Variants in LAMB1 observed in about 807,000 individuals in gnomAD.
LAMB1 encodes laminin subunit beta-1.
LAMB1 carries 121 observed loss-of-function variants against 222.3 expected under a neutral mutation model. The observed-to-expected ratio is 0.54, with a 90% CI of 0.47 to 0.63. The LOEUF is 0.63. Among genes scored for constraint, LAMB1 ranks in the 30% least tolerant of loss-of-function variants. The pLI, the probability that LAMB1 is intolerant of heterozygous loss-of-function variation, is 0.00. For missense variants in LAMB1, 2,172 were observed against 2,240.8 expected, an observed-to-expected ratio of 0.97 and a Z score of 0.62; for synonymous variants, 794 against 807.2, an observed-to-expected ratio of 0.98 and a Z score of 0.28.
rs369155278 is a variant in LAMB1, at chr7:108,003,098, T to C, written c.-87+13A>G. 27 of 1,089,640 alleles carry C rather than the reference T, an allele frequency of 2.5e-5. No individual in the cohort carries two copies. The South Asian group carries it at 3.4e-4, about 14-fold the overall frequency. The allele number at this position is 1,089,640 out of a possible 1,614,324, so 67.5% of individuals were successfully genotyped here. A position where few individuals can be genotyped will look rare whatever the true frequency, so the allele number is the denominator to read the frequency against. The stretch of plus-strand genomic sequence containing the variant: ...AAGTGGGGAAAATCGTGCAGCCACT[T>C]TGTTCTCCTCACCCGGCGACGCGAG... On this transcript the variant is annotated intron_variant, in intron 1 of 33. Coordinates refer to ENST00000222399, the MANE Select transcript of LAMB1 (RefSeq NM_002291.3).
At chr7:107,965,540 T>C (rs956894941) in intron 13 of LAMB1, among the ~76,000 whole-genome samples, 5 of 152,154 alleles carry the variant, frequency 3.3e-5, no homozygotes, top group African/African-American at 7.2e-5. Context: ...GATCACGCCA[T>C]TGCACTCCAG....
At position 107,959,425 on chromosome 7, in the gene LAMB1, G is replaced by A; in HGVS notation, c.2514C>T (p.Gly838=). The change falls in exon 20 of 34, where the codon GGC becomes GGT. Residue 838 remains glycine, a synonymous_variant. Transcript: ENST00000222399. ...ACACTCCCTGGAAACAGTGGCACTG[G>A]CCAGTGACGGGATTGCAGAAGGCAT... ...SVNAFCNPVT[G]QCHCFQGVYA... 6.2e-6 allele frequency: 10 copies of A among 1,614,250 alleles called. No individual in the cohort carries two copies. The highest frequency in any genetic ancestry group is 7.6e-6 in the Non-Finnish European group (9 of 1,180,044).
At chr7:107,939,210 T>C (rs1388966969) in intron 25 of LAMB1, among the ~76,000 whole-genome samples, 1 of 152,096 alleles carries the variant, frequency 6.6e-6, no homozygotes, top group African/African-American at 2.4e-5. Flanking sequence ...GGGTTCCTTT[T>C]TGGCAAAAGG....
chr7:107,993,380 C>T lies in LAMB1; in HGVS notation c.423+1507G>A, dbSNP rs562619369. 3.3e-4 allele frequency among the ~76,000 whole-genome samples: 50 copies of T among 152,000 alleles called. No homozygotes were observed. The South Asian group carries it at 8.3e-3, about 25-fold the overall frequency. ...AACTCCTGACCTCAAGTGATCTGCC[C>T]GCCTTGGCCTCCCAAAGTGCTGGGA... On this transcript the variant is annotated intron_variant, in intron 5 of 33. Coordinates refer to ENST00000222399, the MANE Select transcript of LAMB1 (RefSeq NM_002291.3).
At chr7:107,950,923 G>GGGGT (rs372104608) in intron 24 of LAMB1, among the ~76,000 whole-genome samples, 1 of 147,750 alleles carries the variant, frequency 6.8e-6, no homozygotes, top group Non-Finnish European at 1.5e-5. Flanking sequence ...GTGTATTTGT[G>GGGGT]GTGTGTGTGT....
rs200315734 is a variant in LAMB1, at chr7:107,978,469, AAAACT to A, written c.880-307_880-303del. Among the ~76,000 whole-genome samples the A allele has an allele frequency of 0.029, 4,451 of 151,860 alleles. 94 individuals carry two copies. Among genetic ancestry groups the A allele is most frequent in the South Asian group, 0.074 (357 of 4,816 alleles). On this transcript the variant is annotated intron_variant, in intron 8 of 33. Coordinates refer to ENST00000222399, the MANE Select transcript of LAMB1 (RefSeq NM_002291.3). The stretch of plus-strand genomic sequence containing the variant: ...TTACTTAAAATTAAAAAAAAAAAAA[AAAACT>A]AGTTACTTAAGATTTTTTTAAGAAA...
chr7:107,978,812 TATG>T (rs1431297041), intron 8 of LAMB1, among the ~76,000 whole-genome samples: 1 of 152,220 alleles, frequency 6.6e-6, no homozygotes, highest in African/African-American at 2.4e-5. Flanking sequence ...GCCCATGATA[TATG>T]ATTTTGCCTT....
intron 25 of LAMB1, among the ~76,000 whole-genome samples, chr7:107,939,551 C>T (rs2032931382): frequency 6.6e-6 from 1 of 152,136 alleles, no homozygotes; most frequent in African/African-American, 2.4e-5. Flanking sequence ...TAAATCCTTT[C>T]ATTACTTCAT....
intron 5 of LAMB1, among the ~76,000 whole-genome samples, chr7:107,992,958 A>G (rs2034213333): frequency 6.6e-6 from 1 of 152,112 alleles, no homozygotes; most frequent in Non-Finnish European, 1.5e-5. Context: ...CCTATGATGT[A>G]GGTATTATTC....
At chr7:107,971,292 C>A (rs1242537819) in intron 13 of LAMB1, among the ~76,000 whole-genome samples, 1 of 152,100 alleles carries the variant, frequency 6.6e-6, no homozygotes, top group Admixed American at 6.5e-5. Context: ...TTTTTAAATT[C>A]TACTCAATCA....
At chr7:107,991,319 C>T (rs1451144864) in intron 5 of LAMB1, among the ~76,000 whole-genome samples, 1 of 152,156 alleles carries the variant, frequency 6.6e-6, no homozygotes, top group Non-Finnish European at 1.5e-5. Flanking sequence ...CACAGTGGCT[C>T]ATGCCTCTTT....
intron 7 of LAMB1, among the ~76,000 whole-genome samples, chr7:107,983,706 C>T (rs1317670901): frequency 1.3e-5 from 2 of 151,880 alleles, no homozygotes; most frequent in Non-Finnish European, 2.9e-5. Context: ...TTAGTAGAGA[C>T]GGGGTTTCAC....
chr7:107,932,065 CCTTTT>C, intron 28 of LAMB1, 104 bp downstream of exon 28: 3 of 970,230 alleles, frequency 3.1e-6, no homozygotes, highest in Non-Finnish European at 4.9e-6. Flanking sequence ...TGTGATATGC[CCTTTT>C]CATTTCAGTT....
chr7:107,999,034 G>A (rs563097968), intron 3 of LAMB1, among the ~76,000 whole-genome samples: 41 of 152,310 alleles, frequency 2.7e-4, no homozygotes, highest in African/African-American at 9.1e-4. Flanking sequence ...CAATGGTGGT[G>A]GCATGCAGGC....
intron 20 of LAMB1, among the ~76,000 whole-genome samples, chr7:107,957,563 GA>G (rs1554406587): frequency 1.3e-5 from 2 of 152,130 alleles, no homozygotes; most frequent in Non-Finnish European, 2.9e-5. Context: ...AAATTTTCTA[GA>G]AGCTGGATAT....
chr7:108,001,777 G>T, intron 2 of LAMB1, 44 bp from the exon 3 acceptor site: 1 of 1,604,062 alleles, frequency 6.2e-7, no homozygotes, highest in Non-Finnish European at 8.5e-7. Flanking sequence ...CACAAGCAGG[G>T]AGTGGAGCCC....
chr7:107,962,444 T>C (rs956046785), intron 15 of LAMB1, among the ~76,000 whole-genome samples: 1 of 152,244 alleles, frequency 6.6e-6, no homozygotes, highest in African/African-American at 2.4e-5. Flanking sequence ...CTGGGTGTGG[T>C]GGCTCACGCC....
intron 1 of LAMB1, 22 bp from the exon 2 acceptor site, chr7:108,002,993 G>GA (rs2034421090): frequency 2.6e-6 from 4 of 1,563,042 alleles, no homozygotes; most frequent in South Asian, 1.2e-5. Context: ...GAAAGGAGGG[G>GA]AAAAAAGGCA....
rs1584491307 is a variant in LAMB1, at chr7:107,940,595, T to C, written c.3392-237A>G. The C allele has an allele frequency of 5.8e-6, 3 of 516,456 alleles. No homozygotes were observed. The East Asian group carries it at 9.7e-5, about 17-fold the overall frequency. 32.0% of individuals were successfully genotyped at this position (516,456 alleles called of 1,614,324 possible). Reference sequence around the variant, plus strand: ...TTTAAACAGAAATGTTTTATATGAATGATCCCATTTAACTCTCACAATAAC... The same window carrying C: ...TTTAAACAGAAATGTTTTATATGAACGATCCCATTTAACTCTCACAATAAC... On this transcript the variant is annotated intron_variant, in intron 24 of 33. Transcript: ENST00000222399.
Sources: gnomAD v4.1 joint callset for allele counts (sites outside exome capture counted in the v4.1 genomes callset) on GRCh38, gnomAD v4.1.1 for gene constraint, MANE v1.5 for transcripts, NCBI Gene and HGNC (gene_info 2026-07-23, HGNC 2026-07-21) for gene names.